DACH1: variants seen among roughly 807,000 people sequenced by gnomAD.
The protein encoded by DACH1 is dachshund family transcription factor 1, also known as dachshund homolog 1.
DACH1 carries 12 observed loss-of-function variants against 54.2 expected under a neutral mutation model. That is an observed-to-expected ratio of 0.22 (90% CI 0.14 to 0.36). The LOEUF (loss-of-function observed/expected upper bound fraction) is 0.36. Among genes scored for constraint, DACH1 ranks in the 10% least tolerant of loss-of-function variants. The pLI is 1.00. For missense variants in DACH1, 805 were observed against 929.8 expected, an observed-to-expected ratio of 0.87 and a Z score of 1.75; for synonymous variants, 386 against 366.2, an observed-to-expected ratio of 1.05 and a Z score of -0.62.
chr13:71,527,478 A>G (rs1882067565), intron 6 of DACH1, among the ~76,000 whole-genome samples: 1 of 152,226 alleles, frequency 6.6e-6, no homozygotes, highest in South Asian at 2.1e-4. Flanking sequence ...TTGATAACTA[A>G]GATGGCATGA....
chr13:71,807,419 C>CAAAAAAA (rs10688170), intron 1 of DACH1, among the ~76,000 whole-genome samples: 2 of 99,714 alleles, frequency 2.0e-5, no homozygotes, highest in African/African-American at 8.1e-5. Context: ...TCACAGATTG[C>CAAAAAAA]AAAAAAAAAA....
intron 1 of DACH1, among the ~76,000 whole-genome samples, chr13:71,828,223 T>G (rs898540063): frequency 8.6e-5 from 13 of 152,000 alleles, no homozygotes; most frequent in Admixed American, 8.5e-4. Context: ...TTTTCTGTGC[T>G]AAACTCTTCT....
chr13:71,506,538 G>C (rs1880340890), intron 6 of DACH1, among the ~76,000 whole-genome samples: 1 of 151,688 alleles, frequency 6.6e-6, no homozygotes, highest in African/African-American at 2.4e-5. Flanking sequence ...GTCTATCATT[G>C]TTGGACATTT....
At chr13:71,480,748 C>A (rs1877959209) in intron 7 of DACH1, among the ~76,000 whole-genome samples, 1 of 152,170 alleles carries the variant, frequency 6.6e-6, no homozygotes, top group Non-Finnish European at 1.5e-5. Context: ...TCTACTCCAG[C>A]TTGACTTGTA....
intron 3 of DACH1, among the ~76,000 whole-genome samples, chr13:71,629,974 A>C (rs1876962325): frequency 6.6e-6 from 1 of 152,106 alleles, no homozygotes; most frequent in African/African-American, 2.4e-5. Context: ...TTTGACAGTG[A>C]CAGTTAACTT....
chr13:71,736,691 G>A (rs1273792980), intron 1 of DACH1, among the ~76,000 whole-genome samples: 2 of 152,074 alleles, frequency 1.3e-5, no homozygotes, highest in African/African-American at 4.8e-5. Flanking sequence ...TAACCCAGAA[G>A]TATAAAAACA....
At chr13:71,686,952 TAAG>T (rs1413661760) in intron 1 of DACH1, among the ~76,000 whole-genome samples, 2 of 152,142 alleles carry the variant, frequency 1.3e-5, no homozygotes, top group African/African-American at 2.4e-5. Flanking sequence ...AGCCCTTCTA[TAAG>T]AAGGACAATA....
chr13:71,577,056 TC>T (rs1253775866), intron 3 of DACH1, among the ~76,000 whole-genome samples: 1 of 152,094 alleles, frequency 6.6e-6, no homozygotes, highest in Non-Finnish European at 1.5e-5. Context: ...CTGAGGAACT[TC>T]CTAACTGCAC....
At chr13:71,861,536 G>A (rs1326227424) in intron 1 of DACH1, among the ~76,000 whole-genome samples, 1 of 151,948 alleles carries the variant, frequency 6.6e-6, no homozygotes, top group African/African-American at 2.4e-5. Context: ...AGTTATTAAA[G>A]TGTAATTTGC....
At chr13:71,614,517 C>T (rs1875605805) in intron 3 of DACH1, among the ~76,000 whole-genome samples, 2 of 151,984 alleles carry the variant, frequency 1.3e-5, no homozygotes, top group Admixed American at 6.6e-5. Context: ...GACACCAAGG[C>T]TAAGGATAAA....
intron 1 of DACH1, among the ~76,000 whole-genome samples, chr13:71,864,210 C>A (rs775617279): frequency 3.8e-4 from 42 of 109,686 alleles, no homozygotes; most frequent in Non-Finnish European, 6.1e-4. Flanking sequence ...CACACACACA[C>A]ACACAACATT....
intron 1 of DACH1, among the ~76,000 whole-genome samples, chr13:71,800,010 T>C (rs1401256605): frequency 6.6e-6 from 1 of 152,026 alleles, no homozygotes; most frequent in African/African-American, 2.4e-5. Flanking sequence ...AGTGAACTCT[T>C]TGGTATTTCC....
intron 1 of DACH1, among the ~76,000 whole-genome samples, chr13:71,749,919 G>A (rs990147538): frequency 7.4e-4 from 112 of 152,230 alleles, no homozygotes; most frequent in African/African-American, 2.6e-3. Flanking sequence ...ATTGAAGAAA[G>A]GGACCACCAG....
At chr13:71,698,420 A>G (rs1290966794) in intron 1 of DACH1, among the ~76,000 whole-genome samples, 1 of 152,188 alleles carries the variant, frequency 6.6e-6, no homozygotes, top group African/African-American at 2.4e-5. Context: ...GTAGAATATA[A>G]TATTTCTCAA....
intron 6 of DACH1, among the ~76,000 whole-genome samples, chr13:71,493,707 C>T (rs975904036): frequency 4.5e-4 from 69 of 152,072 alleles, no homozygotes; most frequent in African/African-American, 1.5e-3. Flanking sequence ...TGTAGGACCA[C>T]ACAAATGTAA....
At chr13:71,741,296 A>C (rs1884371494) in intron 1 of DACH1, among the ~76,000 whole-genome samples, 1 of 152,212 alleles carries the variant, frequency 6.6e-6, no homozygotes, top group Non-Finnish European at 1.5e-5. Flanking sequence ...AAAAGAGAAG[A>C]AAAGAAAAAT....
At chr13:71,613,842 G>C (rs1206276538) in intron 3 of DACH1, among the ~76,000 whole-genome samples, 4 of 152,070 alleles carry the variant, frequency 2.6e-5, no homozygotes. Flanking sequence ...CTCCCGAGTT[G>C]CTGGGACCAC....
At chr13:71,721,690 T>C (rs898388323) in intron 1 of DACH1, among the ~76,000 whole-genome samples, 2 of 152,334 alleles carry the variant, frequency 1.3e-5, no homozygotes, top group South Asian at 2.1e-4. Context: ...CAATGAATTA[T>C]GTTTTAACTT....
chr13:71,602,267 T>C (rs1185200697), intron 3 of DACH1, among the ~76,000 whole-genome samples: 2 of 152,060 alleles, frequency 1.3e-5, no homozygotes, highest in African/African-American at 4.8e-5. Flanking sequence ...TCTAAGTAAA[T>C]ATAAAATAAA....
Sources: allele counts gnomAD v4.1 joint callset (sites outside exome capture counted in the v4.1 genomes callset), GRCh38; gene constraint gnomAD v4.1.1; transcripts MANE v1.5; gene names NCBI Gene and HGNC (gene_info 2026-07-23, HGNC 2026-07-21).